The following PRKAG2 variants were observed in gnomAD, a reference collection of about 807,000 sequenced individuals.
PRKAG2 encodes protein kinase AMP-activated non-catalytic subunit gamma 2.
PRKAG2 carries 26 observed loss-of-function variants against 69.6 expected under a neutral mutation model. The ratio of observed to expected loss-of-function variants is 0.37; its 90% confidence interval spans 0.27 to 0.52. PRKAG2 has a LOEUF of 0.52. PRKAG2 is among the 20% of genes least tolerant of loss of function. PRKAG2 has a pLI of 0.90. For synonymous variants in PRKAG2, 293 were observed against 285.0 expected, an observed-to-expected ratio of 1.03 and a Z score of -0.28; for missense variants, 557 against 740.0, an observed-to-expected ratio of 0.75 and a Z score of 2.87.
intron 1 of PRKAG2, among the ~76,000 whole-genome samples, chr7:151,840,863 C>T (rs2079259717): frequency 6.6e-6 from 1 of 152,230 alleles, no homozygotes; most frequent in Non-Finnish European, 1.5e-5. Flanking sequence ...TGCTGCCGGG[C>T]ACGGTGGCAC....
intron 3 of PRKAG2, among the ~76,000 whole-genome samples, chr7:151,775,338 A>G (rs1452741787): frequency 6.6e-6 from 1 of 152,208 alleles, no homozygotes; most frequent in Non-Finnish European, 1.5e-5. Context: ...CATTTAGGAC[A>G]GTAAATGGAG....
intron 3 of PRKAG2, among the ~76,000 whole-genome samples, chr7:151,714,912 T>C (rs1263041490): frequency 6.6e-6 from 1 of 151,236 alleles, no homozygotes; most frequent in African/African-American, 2.4e-5. Flanking sequence ...ATCGTGCCAC[T>C]GCACTCCAGC....
intron 4 of PRKAG2, among the ~76,000 whole-genome samples, chr7:151,659,408 G>A (rs1039825522): frequency 3.3e-5 from 5 of 152,178 alleles, no homozygotes; most frequent in Admixed American, 6.5e-5. Flanking sequence ...AAATGCTGAC[G>A]ATGCACTGAG....
At chr7:151,579,887 GAAGAC>G (rs1185305961) in intron 6 of PRKAG2, among the ~76,000 whole-genome samples, 1 of 152,146 alleles carries the variant, frequency 6.6e-6, no homozygotes, top group Non-Finnish European at 1.5e-5. Context: ...ATGAAAGTCA[GAAGAC>G]AAGAGAAAGA....
intron 4 of PRKAG2, among the ~76,000 whole-genome samples, chr7:151,664,249 C>T (rs1830713964): frequency 6.6e-6 from 1 of 152,206 alleles, no homozygotes; most frequent in South Asian, 2.1e-4. Flanking sequence ...CGTTTGCTAG[C>T]CATTGAGCCT....
chr7:151,812,774 G>T (rs541424817), intron 1 of PRKAG2, among the ~76,000 whole-genome samples: 2 of 152,156 alleles, frequency 1.3e-5, no homozygotes, highest in African/African-American at 2.4e-5. Flanking sequence ...AGGCTGGACC[G>T]CAGGACACCT....
intron 1 of PRKAG2, among the ~76,000 whole-genome samples, chr7:151,854,999 G>GGCC (rs2079676826): frequency 5.5e-5 from 1 of 18,310 alleles, no homozygotes; most frequent in Non-Finnish European, 1.1e-4. Context: ...CACACACCAT[G>GGCC]CTCCACACAC....
chr7:151,643,798 G>GT (rs1339899557), intron 4 of PRKAG2, among the ~76,000 whole-genome samples: 1 of 152,142 alleles, frequency 6.6e-6, no homozygotes, highest in Non-Finnish European at 1.5e-5. Flanking sequence ...CCTTTTTGTT[G>GT]TGTGTAATTT....
rs1259063298 is a variant in PRKAG2, at chr7:151,584,771, C to T, written c.865-8319G>A. Among the ~76,000 whole-genome samples the T allele has an allele frequency of 2.0e-5, 3 of 152,238 alleles. No homozygotes were observed. In the East Asian group the frequency reaches 5.8e-4, roughly 29 times the overall value. On this transcript the variant is annotated intron_variant, in intron 6 of 15. Coordinates refer to ENST00000287878, the MANE Select transcript of PRKAG2 (RefSeq NM_016203.4). ...AATTAACTGAATGTGGTGGTGCACG[C>T]CTGTAGTCTCAGCTACTTGGAAGGC...
intron 1 of PRKAG2, among the ~76,000 whole-genome samples, chr7:151,867,512 T>A (rs182644402): frequency 4.6e-5 from 7 of 152,238 alleles, no homozygotes; most frequent in Admixed American, 2.0e-4. Flanking sequence ...GCAACTTCCC[T>A]CTTCTTAGAA....
intron 1 of PRKAG2, among the ~76,000 whole-genome samples, chr7:151,854,377 G>A (rs1363547986): frequency 1.3e-5 from 2 of 152,250 alleles, no homozygotes; most frequent in Admixed American, 1.3e-4. Flanking sequence ...CGGACCAGCT[G>A]GATGCTTGTG....
chr7:151,859,173 G>A (rs184212535), intron 1 of PRKAG2, among the ~76,000 whole-genome samples: 1 of 152,370 alleles, frequency 6.6e-6, no homozygotes, highest in East Asian at 1.9e-4. Flanking sequence ...ACATCTGTGT[G>A]CATCGTCCTG....
chr7:151,615,327 G>A (rs1443214432), intron 5 of PRKAG2, among the ~76,000 whole-genome samples: 2 of 152,190 alleles, frequency 1.3e-5, no homozygotes, highest in Non-Finnish European at 2.9e-5. Flanking sequence ...GAATAGTGCT[G>A]CAATGGACAT....
intron 14 of PRKAG2, 51 bp from the exon 15 acceptor site, chr7:151,560,668 A>C (rs758494412): frequency 1.1e-5 from 18 of 1,605,336 alleles, no homozygotes; most frequent in Non-Finnish European, 1.5e-5. Context: ...AAAAAGGTTT[A>C]AAATGGACAT....
At chr7:151,844,357 G>A (rs2079380208) in intron 1 of PRKAG2, among the ~76,000 whole-genome samples, 1 of 152,126 alleles carries the variant, frequency 6.6e-6, no homozygotes, top group Non-Finnish European at 1.5e-5. Flanking sequence ...GCGAAGTCGT[G>A]TGGGCTGGAA....
rs1310169200 is a variant in PRKAG2, at chr7:151,828,141, A to T, written c.115-41600T>A. Among the ~76,000 whole-genome samples the T allele has an allele frequency of 6.6e-6, 1 of 152,128 alleles. No homozygotes were observed. The highest frequency in any genetic ancestry group is 6.5e-5 in the Admixed American group (1 of 15,272). On this transcript the variant is annotated intron_variant, in intron 1 of 15. Coordinates refer to ENST00000287878, the MANE Select transcript of PRKAG2 (RefSeq NM_016203.4). This position sits in a 1 kb window ranked among gnomAD's most constrained non-coding sequence, Gnocchi z 4.6. ...ACGCCTGCTACCCAGGGGAGCCCCG[A>T]CCCCAGGCTGGCCCTGGAATGAGTG...
intron 4 of PRKAG2, among the ~76,000 whole-genome samples, chr7:151,669,882 T>TTGCCTGCACACACACC (rs1831618197): frequency 1.4e-5 from 1 of 73,164 alleles, no homozygotes; most frequent in Non-Finnish European, 3.2e-5. Context: ...GCACACACAG[T>TTGCCTGCACACACACC]TGCATGCACA....
chr7:151,704,744 C>T (rs555238557), intron 3 of PRKAG2, among the ~76,000 whole-genome samples: 3 of 152,200 alleles, frequency 2.0e-5, no homozygotes, highest in Admixed American at 6.5e-5. Flanking sequence ...CTGCAATCCA[C>T]GCGGCACCTA....
intron 3 of PRKAG2, among the ~76,000 whole-genome samples, chr7:151,765,178 C>T (rs1228945906): frequency 1.3e-5 from 2 of 152,182 alleles, no homozygotes; most frequent in Non-Finnish European, 2.9e-5. Context: ...GTTTAATTGA[C>T]TCACAGTTCT....
Sources: allele counts gnomAD v4.1 joint callset (sites outside exome capture counted in the v4.1 genomes callset), GRCh38; gene constraint gnomAD v4.1.1; non-coding constraint Gnocchi (gnomAD v3.1); transcripts MANE v1.5; gene names NCBI Gene and HGNC (gene_info 2026-07-23, HGNC 2026-07-21).